The following USH2A variants were observed in gnomAD, a reference collection of about 807,000 sequenced individuals.
USH2A encodes usherin.
Under a neutral mutation model 538.9 loss-of-function variants are expected in USH2A, and 443 were observed. The ratio of observed to expected loss-of-function variants is 0.82; its 90% CI spans 0.76 to 0.89. The LOEUF is 0.89. USH2A is among the 40% of genes least tolerant of loss of function. The pLI is 0.00. For missense variants in USH2A, 6,633 were observed against 6,324.8 expected, an observed-to-expected ratio of 1.05 and a Z score of -1.65; for synonymous variants, 2,413 against 2,273.5, an observed-to-expected ratio of 1.06 and a Z score of -1.75.
At chr1:215,901,153 G>A in intron 38 of USH2A, 1 of 520,590 alleles carries the variant, frequency 1.9e-6, no homozygotes, top group Admixed American at 3.1e-5. Context: ...TGAATATGCA[G>A]CACATTCCCA....
At chr1:215,845,687 A>T in intron 45 of USH2A, 137 bp downstream of exon 45, 1 of 834,920 alleles carries the variant, frequency 1.2e-6, no homozygotes, top group Non-Finnish European at 2.0e-6. Context: ...GTGAGCACTT[A>T]AGCATTTTAG....
intron 21 of USH2A, among the ~76,000 whole-genome samples, chr1:216,155,264 G>A (rs1376255278): frequency 6.6e-6 from 1 of 151,948 alleles, no homozygotes; most frequent in East Asian, 1.9e-4. Flanking sequence ...CTAATGAAAG[G>A]CCACAAGAAT....
intron 35 of USH2A, among the ~76,000 whole-genome samples, chr1:215,984,202 TA>T (rs202048815): frequency 6.6e-6 from 1 of 152,214 alleles, no homozygotes; most frequent in Non-Finnish European, 1.5e-5. Context: ...ATATTCACCA[TA>T]AAAAATCACT....
chr1:216,280,557 CT>C (rs2036754714), intron 11 of USH2A, among the ~76,000 whole-genome samples: 2 of 152,090 alleles, frequency 1.3e-5, no homozygotes, highest in South Asian at 4.1e-4. Context: ...CATTATTACT[CT>C]TCATTTTCCT....
At chr1:216,363,907 A>T (rs985393077) in intron 4 of USH2A, among the ~76,000 whole-genome samples, 6 of 151,776 alleles carry the variant, frequency 4.0e-5, no homozygotes, top group Non-Finnish European at 8.8e-5. Context: ...CTATATCTCT[A>T]GCTAAAAATG....
intron 49 of USH2A, among the ~76,000 whole-genome samples, chr1:215,806,759 T>C (rs891336428): frequency 3.3e-5 from 5 of 152,078 alleles, no homozygotes; most frequent in Non-Finnish European, 5.9e-5. Flanking sequence ...ATTAACAAGA[T>C]TGCACTCCCC....
chr1:216,215,842 G>T (rs999749362), intron 15 of USH2A, among the ~76,000 whole-genome samples: 4 of 152,072 alleles, frequency 2.6e-5, no homozygotes, highest in Non-Finnish European at 5.9e-5. Flanking sequence ...AGAATGTCCA[G>T]TTAATAAAAC....
chr1:216,140,568 C>T (rs755430773), intron 21 of USH2A, among the ~76,000 whole-genome samples: 13 of 152,184 alleles, frequency 8.5e-5, no homozygotes, highest in Non-Finnish European at 1.8e-4. Flanking sequence ...CCAATTTGAT[C>T]TCATGTTTTG....
At chr1:215,868,209 T>C (rs1664531572) in intron 43 of USH2A, among the ~76,000 whole-genome samples, 1 of 152,184 alleles carries the variant, frequency 6.6e-6, no homozygotes, top group African/African-American at 2.4e-5. Flanking sequence ...GCAAAGGTGG[T>C]GTGGCATGGG....
chr1:215,993,498 A>G (rs1668055009), intron 34 of USH2A, among the ~76,000 whole-genome samples: 1 of 141,274 alleles, frequency 7.1e-6, no homozygotes. Flanking sequence ...AAAGGTTCCC[A>G]GAGTGAATTA....
intron 32 of USH2A, among the ~76,000 whole-genome samples, chr1:216,022,420 G>A (rs1350319959): frequency 3.3e-5 from 5 of 152,134 alleles, no homozygotes; most frequent in Non-Finnish European, 7.4e-5. Context: ...CCATGCACTG[G>A]AAAACATTTT....
chr1:215,912,513 G>GTGTATATATATATA (rs1665832902), intron 38 of USH2A, among the ~76,000 whole-genome samples: 2 of 16,956 alleles, frequency 1.2e-4, no homozygotes, highest in African/African-American at 4.6e-4. Context: ...ATATATATAC[G>GTGTATATATATATA]TGTATATATA....
intron 32 of USH2A, among the ~76,000 whole-genome samples, chr1:216,020,699 G>A (rs1668825901): frequency 6.6e-6 from 1 of 152,160 alleles, no homozygotes; most frequent in African/African-American, 2.4e-5. Flanking sequence ...TACTCAATCA[G>A]CAACCGCTTG....
In USH2A at chr1:215,997,358, T is replaced by A. The variant is rs77159748; in HGVS notation, c.6657+1529A>T. ...GATAGCATTTGACTCCATAGAATAG[T>A]GTTTGGGATTACTTTTTTTAGCATC... On this transcript the variant is annotated intron_variant, in intron 34 of 71. Transcript: ENST00000307340. 6.3e-4 allele frequency among the ~76,000 whole-genome samples: 96 copies of A among 152,202 alleles called. 1 individual carries two copies. The East Asian group carries it at 0.013, about 21-fold the overall frequency.
At chr1:215,662,159 C>T (rs1185730701) in intron 64 of USH2A, among the ~76,000 whole-genome samples, 3 of 152,080 alleles carry the variant, frequency 2.0e-5, no homozygotes, top group Non-Finnish European at 4.4e-5. Context: ...CTTACCCTTT[C>T]CTAGATGTTT....
intron 21 of USH2A, among the ~76,000 whole-genome samples, chr1:216,164,842 G>A (rs1219550055): frequency 6.6e-6 from 1 of 152,116 alleles, no homozygotes; most frequent in East Asian, 1.9e-4. Flanking sequence ...GGTCACAAAT[G>A]CATACACAAT....
intron 33 of USH2A, among the ~76,000 whole-genome samples, chr1:216,000,171 T>C (rs1479954633): frequency 6.6e-6 from 1 of 152,194 alleles, no homozygotes. Context: ...TTTTTGTTTA[T>C]TGAAGTTTGC....
chr1:216,154,577 C>T (rs937385688), intron 21 of USH2A, among the ~76,000 whole-genome samples: 45 of 152,090 alleles, frequency 3.0e-4, no homozygotes, highest in Admixed American at 8.5e-4. Context: ...TTAAATGGTT[C>T]AGTTCGATAT....
chr1:216,036,599 G>T (rs951723756), intron 32 of USH2A, among the ~76,000 whole-genome samples: 3 of 152,082 alleles, frequency 2.0e-5, no homozygotes, highest in African/African-American at 7.2e-5. Context: ...TGGAAACTCA[G>T]AATGGTTTAT....
Sources: allele counts gnomAD v4.1 joint callset (sites outside exome capture counted in the v4.1 genomes callset), GRCh38; gene constraint gnomAD v4.1.1; transcripts MANE v1.5; gene names NCBI Gene and HGNC (gene_info 2026-07-23, HGNC 2026-07-21).